The following PIEZO2 variants were observed in gnomAD, a reference collection of about 807,000 sequenced individuals.
The protein encoded by PIEZO2 is piezo type mechanosensitive ion channel component 2, also known as piezo-type mechanosensitive ion channel component 2.
A neutral mutation model predicts 337.3 loss-of-function variants in PIEZO2; 172 were observed. That is an observed-to-expected ratio of 0.51 (90% CI 0.45 to 0.58). The LOEUF (loss-of-function observed/expected upper bound fraction) is 0.58. PIEZO2 is among the 20% of genes least tolerant of loss of function. The pLI is 0.00. For synonymous variants in PIEZO2, 1,251 were observed against 1,228.5 expected (o/e 1.02, Z -0.38); for missense variants, 3,028 against 3,391.3 (o/e 0.89, Z 2.66).
intron 27 of PIEZO2, among the ~76,000 whole-genome samples, chr18:10,755,832 G>A (rs563851621): frequency 2.1e-5 from 2 of 96,600 alleles, no homozygotes; most frequent in Non-Finnish European, 5.2e-5. Flanking sequence ...ACCAAGGGAT[G>A]AGGAGGAGAG....
chr18:10,745,078 G>C (rs2037370267), intron 30 of PIEZO2, among the ~76,000 whole-genome samples: 5 of 151,680 alleles, frequency 3.3e-5, no homozygotes, highest in Non-Finnish European at 7.3e-5. Flanking sequence ...AAATGACCTA[G>C]CTTCCTGCTT....
intron 3 of PIEZO2, among the ~76,000 whole-genome samples, chr18:10,918,236 T>G (rs2031143131): frequency 6.6e-6 from 1 of 152,166 alleles, no homozygotes; most frequent in South Asian, 2.1e-4. Flanking sequence ...CATTAATAGA[T>G]TAAAAGTAAT....
intron 7 of PIEZO2, among the ~76,000 whole-genome samples, chr18:10,843,610 C>T (rs542251878): frequency 2.0e-5 from 3 of 152,248 alleles, no homozygotes; most frequent in South Asian, 2.1e-4. Flanking sequence ...TTATCCACTT[C>T]GTATTTTGAA....
chr18:10,717,258 C>T (rs1278238876), intron 37 of PIEZO2, among the ~76,000 whole-genome samples: 3 of 152,176 alleles, frequency 2.0e-5, no homozygotes, highest in East Asian at 1.9e-4. Context: ...GCAGCTGTTA[C>T]GGTGTGAGGC....
At position 10,979,793 on chromosome 18, in the gene PIEZO2, C is replaced by G; in HGVS notation, c.161-133G>C. ...GTATATGGAATGTAATAATTATCAT[C>G]TTAATTATTAGTCTATAGCTAAATG... On this transcript the variant is annotated intron_variant, in intron 2 of 55. Transcript: ENST00000674853. The surrounding 1 kb of genome is among the most constrained non-coding windows in gnomAD (Gnocchi z 4.0). The G allele has an allele frequency of 1.6e-5, 12 of 754,140 alleles. No homozygotes were observed. The highest frequency in any genetic ancestry group is 4.9e-5 in the South Asian group (1 of 20,216). The allele number at this position is 754,140 out of a possible 1,614,324, so 46.7% of individuals were successfully genotyped here.
intron 1 of PIEZO2, among the ~76,000 whole-genome samples, chr18:11,074,125 C>T (rs149682096): frequency 1.3e-5 from 2 of 152,298 alleles, no homozygotes; most frequent in East Asian, 3.9e-4. Flanking sequence ...GGATTACAGG[C>T]ATGAGCCACG....
chr18:10,795,343 T>TTTA lies in PIEZO2; in HGVS notation c.1528-344_1528-342dup, dbSNP rs1423570828. On this transcript the variant is annotated intron_variant, in intron 12 of 55. Transcript: ENST00000674853. This position sits in a 1 kb window ranked among gnomAD's most constrained non-coding sequence, Gnocchi z 4.4. ...TTTATTTTATTTTATTTTATTTTAT[T>TTTA]TTATTTTATTATTTTATTTTATTTT... is the stretch of plus-strand genomic sequence containing the variant. Among the ~76,000 whole-genome samples, 33 of 24,532 alleles carry TTTA rather than the reference T, an allele frequency of 1.3e-3. No homozygotes were observed. Among genetic ancestry groups the TTTA allele is most frequent in the African/African-American group, 3.2e-3 (29 of 9,132 alleles). 16.1% of individuals were successfully genotyped at this position (24,532 alleles called of 152,430 possible).
intron 1 of PIEZO2, among the ~76,000 whole-genome samples, chr18:11,082,511 G>T (rs2038783750): frequency 1.3e-5 from 2 of 152,024 alleles, no homozygotes; most frequent in African/African-American, 4.8e-5. Flanking sequence ...TAGAGATGGG[G>T]TTTCACCGTG....
intron 4 of PIEZO2, among the ~76,000 whole-genome samples, chr18:10,890,120 G>C (rs888381413): frequency 1.3e-5 from 2 of 152,236 alleles, no homozygotes; most frequent in East Asian, 1.9e-4. Flanking sequence ...CAAAGCTCTT[G>C]TGAAGTACTG....
At position 10,856,183 on chromosome 18, in the gene PIEZO2, G is replaced by A. The variant is rs1209583351; in HGVS notation, c.704-617C>T. ...CAAAGGGCTCGGATTACAGGCATGA[G>A]CCACTGCTCCTGGCCAATAACTCCT... On this transcript the variant is annotated intron_variant, in intron 6 of 55. Transcript: ENST00000674853. This position sits in a 1 kb window ranked among gnomAD's most constrained non-coding sequence, Gnocchi z 4.7. 3.3e-5 allele frequency among the ~76,000 whole-genome samples: 5 copies of A among 152,146 alleles called. No individual in the cohort carries two copies. Among genetic ancestry groups the A allele is most frequent in the African/African-American group, 1.2e-4 (5 of 41,426 alleles).
At chr18:11,063,994 C>T (rs1232810883) in intron 2 of PIEZO2, among the ~76,000 whole-genome samples, 1 of 151,420 alleles carries the variant, frequency 6.6e-6, no homozygotes, top group Non-Finnish European at 1.5e-5. Flanking sequence ...TGTCTTGGGC[C>T]ACACATAACA....
rs1359078584 is a variant in PIEZO2 at position 11,112,060 on chromosome 18, A to C, written c.64+36465T>G. 6.6e-6 allele frequency among the ~76,000 whole-genome samples: 1 copy of C among 152,212 alleles called. No individual in the cohort carries two copies. Among genetic ancestry groups the C allele is most frequent in the East Asian group, 1.9e-4 (1 of 5,194 alleles). ...ATTAATAAAGAACTTCACAGCTGAA[A>C]GGATTTTAAGACTTTTTAGAATGAT... On this transcript the variant is annotated intron_variant, in intron 1 of 55. Coordinates refer to ENST00000674853, the MANE Select transcript of PIEZO2 (RefSeq NM_001378183.1). This position sits in a 1 kb window ranked among gnomAD's most constrained non-coding sequence, Gnocchi z 4.3.
At chr18:10,753,901 G>A (rs139278692) in intron 27 of PIEZO2, among the ~76,000 whole-genome samples, 28 of 152,016 alleles carry the variant, frequency 1.8e-4, no homozygotes, top group African/African-American at 6.7e-4. Flanking sequence ...ACTTCATAAT[G>A]GAGAGTGAAT....
rs1197978088 is a variant in PIEZO2 at position 11,121,962 on chromosome 18, C to CT, written c.64+26562dup. 8.7e-4 allele frequency among the ~76,000 whole-genome samples: 132 copies of CT among 151,022 alleles called. 1 individual carries two copies. Among genetic ancestry groups the CT allele is most frequent in the African/African-American group, 3.0e-3 (122 of 41,222 alleles). ...GAGAAGCCTTCTTTCTTTTCTTTTT[C>CT]TTTTTTTTTGAGATGGAGTCTTGCT... On this transcript the variant is annotated intron_variant, in intron 1 of 55. Coordinates refer to ENST00000674853, the MANE Select transcript of PIEZO2 (RefSeq NM_001378183.1).
chr18:10,802,450 AC>A (rs1257336004), intron 9 of PIEZO2, among the ~76,000 whole-genome samples: 1 of 152,186 alleles, frequency 6.6e-6, no homozygotes, highest in Non-Finnish European at 1.5e-5. Flanking sequence ...ATTTAAAAAA[AC>A]CCATTGTGTG....
intron 1 of PIEZO2, among the ~76,000 whole-genome samples, chr18:11,098,744 G>A (rs1386671692): frequency 6.6e-6 from 1 of 151,390 alleles, no homozygotes; most frequent in Non-Finnish European, 1.5e-5. Context: ...TACTATATCA[G>A]TACATACGTA....
chr18:10,825,550 C>CTTTTTTTTTTTTTTTTT (rs57159292), intron 7 of PIEZO2, among the ~76,000 whole-genome samples: 6 of 113,860 alleles, frequency 5.3e-5, no homozygotes, highest in African/African-American at 1.1e-4. Flanking sequence ...TCCTTTCTTC[C>CTTTTTTTTTTTTTTTTT]TTTTTTTTTT....
intron 29 of PIEZO2, among the ~76,000 whole-genome samples, chr18:10,749,228 G>A (rs965547284): frequency 2.0e-5 from 3 of 152,156 alleles, no homozygotes; most frequent in African/African-American, 7.2e-5. Flanking sequence ...GAGAGACTGA[G>A]GCAGGAGGAT....
rs1217147269 is a variant in PIEZO2 at position 11,105,195 on chromosome 18, A to G, written c.65-38973T>C. ...ATCAATAAATCGCCCATTTTCTTTG[A>G]CCACGATTTGGCTTTGCTTCTGAAA... On this transcript the variant is annotated intron_variant, in intron 1 of 55. Transcript: ENST00000674853. This position sits in a 1 kb window ranked among gnomAD's most constrained non-coding sequence, Gnocchi z 4.3. Among the ~76,000 whole-genome samples the G allele has an allele frequency of 6.6e-6, 1 of 152,076 alleles. No homozygotes were observed. Among genetic ancestry groups the G allele is most frequent in the Non-Finnish European group, 1.5e-5 (1 of 68,016 alleles).
Sources: allele counts gnomAD v4.1 joint callset (sites outside exome capture counted in the v4.1 genomes callset), GRCh38; gene constraint gnomAD v4.1.1; non-coding constraint Gnocchi (gnomAD v3.1); transcripts MANE v1.5; gene names NCBI Gene and HGNC (gene_info 2026-07-23, HGNC 2026-07-21).